The following REEP3 variants were observed in gnomAD, a reference collection of about 807,000 sequenced individuals.
The protein encoded by REEP3 is receptor expression-enhancing protein 3.
A neutral mutation model predicts 41.3 loss-of-function variants in REEP3; 20 were observed. That is an observed-to-expected ratio of 0.48 (90% CI 0.34 to 0.70). The LOEUF (loss-of-function observed/expected upper bound fraction) is 0.70, where lower values mean the gene tolerates loss of function less well. REEP3 is among the 30% of genes least tolerant of loss of function. The pLI, the probability that REEP3 is intolerant of heterozygous loss-of-function variation, is 0.01. For synonymous variants in REEP3, 104 were observed against 101.8 expected (o/e 1.02, Z -0.13); for missense variants, 271 against 308.8 (o/e 0.88, Z 0.92).
chr10:63,566,322 T>A lies in REEP3; in HGVS notation c.33-16T>A. Reference sequence around the variant, plus strand: ...TTGTTGTGTTTGAACAGTATTCTCATTTTTTTTACTTTTAGGCTGGTGTTT... The same window carrying A: ...TTGTTGTGTTTGAACAGTATTCTCAATTTTTTTACTTTTAGGCTGGTGTTT... On this transcript the variant is annotated splice_polypyrimidine_tract_variant and intron_variant, in intron 1 of 7. Coordinates refer to ENST00000373758, the MANE Select transcript of REEP3 (RefSeq NM_001001330.3). 1 of 1,434,724 alleles carries A rather than the reference T, an allele frequency of 7.0e-7. No individual in the cohort carries two copies. The allele number at this position is 1,434,724 out of a possible 1,614,324, so 88.9% of individuals were successfully genotyped here.
Position 63,556,636 on chromosome 10 carries a change from T to G in REEP3, c.33-9702T>G, listed in dbSNP as rs1483778623. On this transcript the variant is annotated intron_variant, in intron 1 of 7. Coordinates refer to ENST00000373758, the MANE Select transcript of REEP3 (RefSeq NM_001001330.3). ...CTTGTTTTTTTTTTTGTTGTTTTGT[T>G]TTTTTTTTTTTTTTTTTGAGACGGA... 7.1e-4 allele frequency among the ~76,000 whole-genome samples: 9 copies of G among 12,600 alleles called. 1 individual carries two copies. Among genetic ancestry groups the G allele is most frequent in the East Asian group, 3.4e-3 (4 of 1,174 alleles). 8.3% of individuals were successfully genotyped at this position (12,600 alleles called of 152,430 possible). A position where few individuals can be genotyped will look rare whatever the true frequency, so the allele number is the denominator to read the frequency against.
chr10:63,588,866 G>T (rs1423547266), intron 2 of REEP3, among the ~76,000 whole-genome samples: 2 of 152,336 alleles, frequency 1.3e-5, no homozygotes, highest in African/African-American at 4.8e-5. Context: ...AAGTGAGCAA[G>T]CTCTTCACAT....
intron 2 of REEP3, among the ~76,000 whole-genome samples, chr10:63,584,105 A>G (rs986018397): frequency 1.3e-5 from 2 of 152,240 alleles, no homozygotes; most frequent in Admixed American, 6.5e-5. Flanking sequence ...CAATGTTGCG[A>G]CAGAGGTATC....
At position 63,594,777 on chromosome 10, in the gene REEP3, G is replaced by T. The variant is rs368074557; in HGVS notation, c.106-1G>T. 1.3e-6 allele frequency: 2 copies of T among 1,597,508 alleles called. No homozygotes were observed. Among genetic ancestry groups the T allele is most frequent in the African/African-American group, 2.7e-5 (2 of 74,524 alleles). ...TTCATGAGTATTTTTATTATTTCCAGGTTCGATGGATGATGTACTGGATTG... is the reference window on the plus strand; with the variant it reads ...TTCATGAGTATTTTTATTATTTCCATGTTCGATGGATGATGTACTGGATTG... On this transcript the variant is annotated splice_acceptor_variant, in intron 2 of 7. Coordinates refer to ENST00000373758, the MANE Select transcript of REEP3 (RefSeq NM_001001330.3). LOFTEE classifies it high-confidence loss of function.
intron 1 of REEP3, among the ~76,000 whole-genome samples, chr10:63,561,981 T>A (rs975722016): frequency 2.4e-4 from 36 of 152,222 alleles, no homozygotes; most frequent in Admixed American, 1.3e-4. Flanking sequence ...AGCTTGAATA[T>A]GTAAAACATA....
At chr10:63,547,724 A>T (rs1293714964) in intron 1 of REEP3, among the ~76,000 whole-genome samples, 2 of 152,226 alleles carry the variant, frequency 1.3e-5, no homozygotes, top group Non-Finnish European at 2.9e-5. Context: ...ATTCTTGAAG[A>T]TGAGATTACT....
At position 63,599,191 on chromosome 10, in the gene REEP3, C is replaced by T. The variant is rs1396817962; in HGVS notation, c.325C>T (p.Gln109Ter). The T allele has an allele frequency of 1.9e-6, 3 of 1,584,450 alleles. No individual in the cohort carries two copies. The highest frequency in any genetic ancestry group is 2.6e-6 in the Non-Finnish European group (3 of 1,167,308). Residue 109 changes from glutamine to a stop codon, truncating the protein, a stop_gained, in exon 5 of 8, where the codon CAA (glutamine) becomes TAA (stop). Transcript: ENST00000373758. LOFTEE classifies it high-confidence loss of function. ...CCAGGAGATTGATGATTATATTGTA[C>T]AAGCAAAGGAACGAGGCTATGAAAC... ...KEREIDDYIV[Q>*]AKERGYETMV...
intron 6 of REEP3, among the ~76,000 whole-genome samples, chr10:63,618,238 T>C (rs35132420): frequency 2.1e-5 from 1 of 47,382 alleles, no homozygotes; most frequent in Non-Finnish European, 5.0e-5. Flanking sequence ...TTCCTTCTTC[T>C]TTTTTTTTTT....
intron 1 of REEP3, among the ~76,000 whole-genome samples, chr10:63,533,888 G>T (rs1055766792): frequency 5.3e-5 from 8 of 151,496 alleles, no homozygotes; most frequent in East Asian, 3.9e-4. Context: ...TGGTATTATT[G>T]GTAGAGACAA....
At chr10:63,555,441 A>T (rs1303849445) in intron 1 of REEP3, among the ~76,000 whole-genome samples, 2 of 152,244 alleles carry the variant, frequency 1.3e-5, no homozygotes, top group Non-Finnish European at 1.5e-5. Context: ...GGCAGTGATC[A>T]TGCATGACCT....
rs759334481 is a variant in REEP3 at position 63,612,790 on chromosome 10, C to CA, written c.565+2470dup. Among the ~76,000 whole-genome samples, 227 of 125,636 alleles carry CA rather than the reference C, an allele frequency of 1.8e-3. 1 individual carries two copies. Among genetic ancestry groups the CA allele is most frequent in the Middle Eastern group, 8.9e-3 (2 of 224 alleles). The allele number at this position is 125,636 out of a possible 152,430, so 82.4% of individuals were successfully genotyped here. ...TGGGTGACAGAGAGAGACTCCATCTCAAAAAAAAAAAAAATTAGGTATATT... is the reference window on the plus strand; with the variant it reads ...TGGGTGACAGAGAGAGACTCCATCTCAAAAAAAAAAAAAAATTAGGTATATT... On this transcript the variant is annotated intron_variant, in intron 6 of 7. Coordinates refer to ENST00000373758, the MANE Select transcript of REEP3 (RefSeq NM_001001330.3).
intron 1 of REEP3, among the ~76,000 whole-genome samples, chr10:63,565,182 C>A (rs1329844142): frequency 6.6e-6 from 1 of 152,178 alleles, no homozygotes; most frequent in African/African-American, 2.4e-5. Flanking sequence ...ATTGCTTGTC[C>A]CCAGGAGACA....
At chr10:63,572,479 AC>A (rs1564481824) in intron 2 of REEP3, among the ~76,000 whole-genome samples, 1 of 151,724 alleles carries the variant, frequency 6.6e-6, no homozygotes, top group African/African-American at 2.4e-5. Context: ...CTTGCCCCTG[AC>A]CCTCCAACAG....
At chr10:63,547,600 AGATTCCTGG>A (rs1290349783) in intron 1 of REEP3, among the ~76,000 whole-genome samples, 2 of 152,194 alleles carry the variant, frequency 1.3e-5, no homozygotes, top group Non-Finnish European at 2.9e-5. Context: ...AAAAAACTAG[AGATTCCTGG>A]GCCTTTATTT....
chr10:63,620,956 T>A lies in REEP3; in HGVS notation c.*87T>A. The A allele has an allele frequency of 1.3e-6, 1 of 774,332 alleles. No homozygotes were observed. 48.0% of individuals were successfully genotyped at this position (774,332 alleles called of 1,614,324 possible). On this transcript the variant is annotated 3_prime_UTR_variant, in exon 8 of 8. Transcript: ENST00000373758. ...CATGATATATTCAGGATTTACACAT[T>A]AAAATGATTATTTAAATTGTGGCAG... is the stretch of plus-strand genomic sequence containing the variant.
intron 1 of REEP3, among the ~76,000 whole-genome samples, chr10:63,526,030 G>A (rs1461148028): frequency 6.6e-6 from 1 of 152,136 alleles, no homozygotes; most frequent in Non-Finnish European, 1.5e-5. Context: ...GTAGTTATCA[G>A]AAAAAGGAAA....
chr10:63,532,836 T>TA (rs1955436473), intron 1 of REEP3, among the ~76,000 whole-genome samples: 1 of 149,802 alleles, frequency 6.7e-6, no homozygotes, highest in Middle Eastern at 3.4e-3. Context: ...GCCCAGGAGG[T>TA]AAAGGCTGCA....
chr10:63,557,816 T>C (rs1028233034), intron 1 of REEP3, among the ~76,000 whole-genome samples: 2 of 152,184 alleles, frequency 1.3e-5, no homozygotes, highest in African/African-American at 4.8e-5. Flanking sequence ...TGAGTACAAA[T>C]ATAAATATGC....
At chr10:63,537,959 C>T (rs55707306) in intron 1 of REEP3, among the ~76,000 whole-genome samples, 1 of 143,202 alleles carries the variant, frequency 7.0e-6, no homozygotes, top group Non-Finnish European at 1.5e-5. Context: ...TTCTTCCCCC[C>T]CCGACCCCCA....
Sources: allele counts gnomAD v4.1 joint callset (sites outside exome capture counted in the v4.1 genomes callset), GRCh38; gene constraint gnomAD v4.1.1; transcripts MANE v1.5; gene names NCBI Gene and HGNC (gene_info 2026-07-23, HGNC 2026-07-21).